The following TMEM127 variants were observed in gnomAD, a reference collection of about 807,000 sequenced individuals.
The protein encoded by TMEM127 is transmembrane protein 127.
In TMEM127, 21 loss-of-function variants were observed where a neutral mutation model predicts 20.1. The ratio of observed to expected loss-of-function variants is 1.04; its 90% CI spans 0.74 to 1.50. The LOEUF (loss-of-function observed/expected upper bound fraction) is 1.50, where lower values mean the gene tolerates loss of function less well. Ranked by LOEUF, TMEM127 falls within the 40% of genes most tolerant of loss-of-function variation. The pLI is 0.00. For synonymous variants in TMEM127, 150 were observed against 144.7 expected (o/e 1.04, Z -0.26); for missense variants, 303 against 317.4 (o/e 0.95, Z 0.34).
rs1199634170 is a variant in TMEM127 at position 96,252,808 on chromosome 2, C to A, written c.*1000G>T. 2 of 233,856 alleles carry A rather than the reference C, an allele frequency of 8.6e-6. No homozygotes were observed. Among genetic ancestry groups the A allele is most frequent in the Non-Finnish European group, 1.7e-5 (2 of 118,302 alleles). The allele number at this position is 233,856 out of a possible 1,614,324, so 14.5% of individuals were successfully genotyped here. ...CTGGCCCGCCAGCCAGGCCACAGTC[C>A]TCAGCCCCTCTGGGTTCCACGAGAA... On this transcript the variant is annotated 3_prime_UTR_variant, in exon 4 of 4. Transcript: ENST00000258439. The surrounding 1 kb of genome is among the most constrained non-coding windows in gnomAD (Gnocchi z 4.2).
intron 2 of TMEM127, among the ~76,000 whole-genome samples, chr2:96,262,283 T>A (rs1454275571): frequency 1.4e-5 from 2 of 140,888 alleles, no homozygotes; most frequent in African/African-American, 5.1e-5. Flanking sequence ...AAAAAAAAAC[T>A]CTATATGCAC....
At chr2:96,256,544 A>C (rs371619867) in intron 2 of TMEM127, among the ~76,000 whole-genome samples, 39 of 149,926 alleles carry the variant, frequency 2.6e-4, no homozygotes, top group East Asian at 7.9e-4. Flanking sequence ...ACACTCCAGC[A>C]TGGGCAACAA....
In TMEM127 at chr2:96,253,874, G is replaced by A. The variant is rs759801591; in HGVS notation, c.651C>T (p.Asn217=). ...ALELLSEMEE[N]EPYPAEYEVI... is the part of the protein sequence containing the mutation. ...CCTCATATTCCGCCGGGTAGGGCTC[G>A]TTCTCTTCCATCTCTGAGAGCAGCT... Residue 217 remains asparagine (N), a synonymous_variant, in exon 4 of 4, where the codon AAC becomes AAT. Transcript: ENST00000258439. This position sits in a 1 kb window ranked among gnomAD's most constrained non-coding sequence, Gnocchi z 4.3. 1.3e-5 allele frequency: 21 copies of A among 1,613,964 alleles called. No individual in the cohort carries two copies. Among genetic ancestry groups the A allele is most frequent in the East Asian group, 4.5e-5 (2 of 44,884 alleles).
At chr2:96,259,732 T>C (rs1468212630) in intron 2 of TMEM127, among the ~76,000 whole-genome samples, 3 of 152,198 alleles carry the variant, frequency 2.0e-5, no homozygotes, top group Non-Finnish European at 4.4e-5. Flanking sequence ...GCAAGTCCCT[T>C]GAGTGCGCTG....
Position 96,254,995 on chromosome 2 carries a change from A to G in TMEM127, c.247T>C (p.Phe83Leu), listed in dbSNP as rs1229870486. ...GYVHPDLLKDFCMNPQTVLLL... is the reference protein window; with the variant it reads ...GYVHPDLLKDLCMNPQTVLLL... ...AGCACTGTCTGGGGATTCATGCAGA[A>G]ATCTGTAGAGGGAGAACCAAATTTT... The change falls in exon 3 of 4, where the codon TTC (phenylalanine) becomes CTC (leucine). Residue 83 changes from phenylalanine to leucine, a missense_variant and splice_region_variant. By Grantham distance (22) the Phe-to-Leu change is conservative. Transcript: ENST00000258439. The G allele has an allele frequency of 6.2e-7, 1 of 1,614,140 alleles. No homozygotes were observed. The highest frequency in any genetic ancestry group is 1.1e-5 in the South Asian group (1 of 91,080).
chr2:96,256,403 C>G (rs186726337), intron 2 of TMEM127, among the ~76,000 whole-genome samples: 19 of 151,636 alleles, frequency 1.3e-4, no homozygotes, highest in Admixed American at 1.2e-3. Context: ...GAAACCCTGT[C>G]TCTACTAAAA....
chr2:96,252,170 C>G lies in TMEM127; in HGVS notation c.*1638G>C, dbSNP rs753339060. On this transcript the variant is annotated 3_prime_UTR_variant, in exon 4 of 4. Transcript: ENST00000258439. The surrounding 1 kb of genome is among the most constrained non-coding windows in gnomAD (Gnocchi z 4.2). The stretch of plus-strand genomic sequence containing the variant: ...CGTGTGCAGATGTGGCCCTCACCAC[C>G]CATGCAGGCATCTGTCCGGACATCC... The G allele has an allele frequency of 9.0e-5, 21 of 233,280 alleles. No homozygotes were observed. Among genetic ancestry groups the G allele is most frequent in the Non-Finnish European group, 1.3e-4 (15 of 118,132 alleles). 14.5% of individuals were successfully genotyped at this position (233,280 alleles called of 1,614,324 possible).
rs1684120024 is a variant in TMEM127, at chr2:96,252,786, G to A, written c.*1022C>T. On this transcript the variant is annotated 3_prime_UTR_variant, in exon 4 of 4. Transcript: ENST00000258439. This position sits in a 1 kb window ranked among gnomAD's most constrained non-coding sequence, Gnocchi z 4.2. ...TGCAGTCCTGAGGAGCACCACGCTGGCCCGCCAGCCAGGCCACAGTCCTCA... is the reference window on the plus strand; with the variant it reads ...TGCAGTCCTGAGGAGCACCACGCTGACCCGCCAGCCAGGCCACAGTCCTCA... 1 of 233,878 alleles carries A rather than the reference G, an allele frequency of 4.3e-6. No homozygotes were observed. 14.5% of individuals were successfully genotyped at this position (233,878 alleles called of 1,614,324 possible).
rs1684067089 is a variant in TMEM127 at position 96,250,625 on chromosome 2, G to A, written c.*3183C>T. On this transcript the variant is annotated 3_prime_UTR_variant, in exon 4 of 4. Transcript: ENST00000258439. The stretch of plus-strand genomic sequence containing the variant: ...AACAACAACAAAAGAGACCTAAATG[G>A]GCTGCTCCCTGAAGAGAGCCCTCAG... 4.3e-6 allele frequency: 1 copy of A among 232,976 alleles called. No individual in the cohort carries two copies. Among genetic ancestry groups the A allele is most frequent in the Non-Finnish European group, 8.5e-6 (1 of 117,900 alleles). The allele number at this position is 232,976 out of a possible 1,614,324, so 14.4% of individuals were successfully genotyped here.
At chr2:96,254,556 C>G (rs1373827200) in intron 3 of TMEM127, among the ~76,000 whole-genome samples, 1 of 152,184 alleles carries the variant, frequency 6.6e-6, no homozygotes, top group East Asian at 1.9e-4. Flanking sequence ...GTCTGAGCTT[C>G]AAATGCCATT....
chr2:96,265,412 C>T lies in TMEM127; in HGVS notation c.-31G>A. On this transcript the variant is annotated 5_prime_UTR_variant, in exon 2 of 4. Transcript: ENST00000258439. ...GGGCCGCCCGCCGTCGCTCCGCAGT[C>T]GCTGCTGGTCGCCGCCGACCTCCGC... 7.5e-7 allele frequency: 1 copy of T among 1,340,506 alleles called. No homozygotes were observed. Among genetic ancestry groups the T allele is most frequent in the Non-Finnish European group, 9.5e-7 (1 of 1,051,460 alleles). 83.0% of individuals were successfully genotyped at this position (1,340,506 alleles called of 1,614,324 possible). A position where few individuals can be genotyped will look rare whatever the true frequency, so the allele number is the denominator to read the frequency against.
rs1158174488 is a variant in TMEM127 at position 96,252,433 on chromosome 2, A to T, written c.*1375T>A. 1 of 233,690 alleles carries T rather than the reference A, an allele frequency of 4.3e-6. No individual in the cohort carries two copies. The highest frequency in any genetic ancestry group is 8.5e-6 in the Non-Finnish European group (1 of 118,110). The allele number at this position is 233,690 out of a possible 1,614,324, so 14.5% of individuals were successfully genotyped here. On this transcript the variant is annotated 3_prime_UTR_variant, in exon 4 of 4. Transcript: ENST00000258439. This position sits in a 1 kb window ranked among gnomAD's most constrained non-coding sequence, Gnocchi z 4.2. ...AGGTCTTTCAAGTTTCATCCACTTT[A>T]TGCCCAGATCTCAGGGCAGAAAATT...
At chr2:96,264,945 G>A (rs1684382801) in intron 2 of TMEM127, among the ~76,000 whole-genome samples, 193 bp downstream of exon 2, 1 of 152,172 alleles carries the variant, frequency 6.6e-6, no homozygotes, top group Admixed American at 6.5e-5. Context: ...GTGAGGAGTA[G>A]GTGCTTAGCT....
intron 2 of TMEM127, among the ~76,000 whole-genome samples, chr2:96,257,233 G>A (rs576902713): frequency 1.2e-4 from 18 of 152,268 alleles, no homozygotes; most frequent in African/African-American, 4.3e-4. Context: ...AGGCCGAGGC[G>A]GGTGGATCAC....
rs1030347610 is a variant in TMEM127 at position 96,256,303 on chromosome 2, T to G, written c.245-1306A>C. Among the ~76,000 whole-genome samples the G allele has an allele frequency of 1.0e-4, 15 of 146,188 alleles. No homozygotes were observed. In the East Asian group the frequency reaches 2.0e-3, roughly 20 times the overall value. On this transcript the variant is annotated intron_variant, in intron 2 of 3. Transcript: ENST00000258439. Reference sequence around the variant, plus strand: ...AAAAAAAAATGTTGGCAGGGCACGGTGGCTCACACCTGTAATCCCACACTT... The same window carrying G: ...AAAAAAAAATGTTGGCAGGGCACGGGGGCTCACACCTGTAATCCCACACTT...
In TMEM127 at chr2:96,254,974, C is replaced by G; in HGVS notation, c.268G>C (p.Val90Leu). ...GCGGCGATGACCCGCAGGAGCAGCACTGTCTGGGGATTCATGCAGAAATCT... is the reference window on the plus strand; with the variant it reads ...GCGGCGATGACCCGCAGGAGCAGCAGTGTCTGGGGATTCATGCAGAAATCT... The part of the protein sequence containing the change: ...LKDFCMNPQT[V>L]LLLRVIAAFC... Residue 90 changes from valine (V) to leucine (L), a missense_variant, in exon 3 of 4, where the codon GTG (valine) becomes CTG (leucine). Transcript: ENST00000258439. The G allele has an allele frequency of 6.2e-7, 1 of 1,614,230 alleles. No homozygotes were observed. Among genetic ancestry groups the G allele is most frequent in the South Asian group, 1.1e-5 (1 of 91,090 alleles).
At chr2:96,257,127 T>C (rs531371977) in intron 2 of TMEM127, among the ~76,000 whole-genome samples, 1 of 152,164 alleles carries the variant, frequency 6.6e-6, no homozygotes, top group Non-Finnish European at 1.5e-5. Flanking sequence ...CAACTTGTAT[T>C]TCCCTCCAGT....
chr2:96,265,066 C>T, intron 2 of TMEM127, 72 bp downstream of exon 2: 2 of 1,594,926 alleles, frequency 1.3e-6, no homozygotes, highest in Non-Finnish European at 1.7e-6. Context: ...TGGTCCCTGG[C>T]TATCTCTGCT....
Position 96,253,491 on chromosome 2 carries a change from A to C in TMEM127, c.*317T>G. 1 of 403,922 alleles carries C rather than the reference A, an allele frequency of 2.5e-6. No individual in the cohort carries two copies. The highest frequency in any genetic ancestry group is 4.5e-6 in the Non-Finnish European group (1 of 221,642). The allele number at this position is 403,922 out of a possible 1,614,324, so 25.0% of individuals were successfully genotyped here. ...TCCGCTCTCAGCAGCTCTCCAAGGA[A>C]AGTCTCGGTCCCAAAGATATCGCCC... On this transcript the variant is annotated 3_prime_UTR_variant, in exon 4 of 4. Coordinates refer to ENST00000258439, the MANE Select transcript of TMEM127 (RefSeq NM_017849.4). This position sits in a 1 kb window ranked among gnomAD's most constrained non-coding sequence, Gnocchi z 4.3.
Sources: gnomAD v4.1 joint callset for allele counts (sites outside exome capture counted in the v4.1 genomes callset) on GRCh38, gnomAD v4.1.1 for gene constraint, Gnocchi (gnomAD v3.1) non-coding constraint, MANE v1.5 for transcripts, NCBI Gene and HGNC (gene_info 2026-07-23, HGNC 2026-07-21) for gene names.